Variants in NXN observed in about 807,000 individuals in gnomAD.
NXN encodes nucleoredoxin.
A neutral mutation model predicts 48.6 loss-of-function variants in NXN; 16 were observed. The ratio of observed to expected loss-of-function variants is 0.33; its 90% CI spans 0.22 to 0.50. The LOEUF (loss-of-function observed/expected upper bound fraction) is 0.50, where lower values mean the gene tolerates loss of function less well. NXN is among the 20% of genes least tolerant of loss of function. NXN has a pLI of 0.98. For missense variants in NXN, 492 were observed against 605.5 expected (o/e 0.81, Z 1.97); for synonymous variants, 281 against 269.6 (o/e 1.04, Z -0.41).
rs184291675 is a variant in NXN at position 963,021 on chromosome 17, T to C, written c.360+16298A>G. Reference sequence around the variant, plus strand: ...CGGTGGTTTGAGGGATTCTGTTCCTTGTCTCTAACTGTGTTGGGTTCATTA... The same window carrying C: ...CGGTGGTTTGAGGGATTCTGTTCCTCGTCTCTAACTGTGTTGGGTTCATTA... On this transcript the variant is annotated intron_variant, in intron 1 of 7. Coordinates refer to ENST00000336868, the MANE Select transcript of NXN (RefSeq NM_022463.5). Among the ~76,000 whole-genome samples, 49 of 152,250 alleles carry C rather than the reference T, an allele frequency of 3.2e-4. 1 individual carries two copies. The highest frequency in any genetic ancestry group is 2.0e-3 in the Admixed American group (31 of 15,272).
At chr17:945,375 C>T (rs113998501) in intron 1 of NXN, among the ~76,000 whole-genome samples, 6,409 of 152,138 alleles carry the variant, frequency 0.042, 306 homozygotes, top group African/African-American at 0.11. Flanking sequence ...AGCCACTGTG[C>T]CCTGCCCCCA....
chr17:800,964 T>C lies in NXN; in HGVS notation c.1293A>G (p.Lys431=). The change falls in exon 8 of 8, where the codon AAA becomes AAG. Residue 431 remains lysine, a synonymous_variant. Transcript: ENST00000336868. ...CGGAGCCACGCTAGATGGGCTCCGGTTTGAGCTTCTCTGCTAGGAAGTCAT... is the reference window on the plus strand; with the variant it reads ...CGGAGCCACGCTAGATGGGCTCCGGCTTGAGCTTCTCTGCTAGGAAGTCAT... ...FVNDFLAEKL[K]PEPI is the part of the protein sequence containing the mutation. The C allele has an allele frequency of 6.7e-7, 1 of 1,496,172 alleles. No homozygotes were observed. The highest frequency in any genetic ancestry group is 1.3e-5 in the South Asian group (1 of 74,670). 92.7% of individuals were successfully genotyped at this position (1,496,172 alleles called of 1,614,324 possible).
intron 5 of NXN, among the ~76,000 whole-genome samples, chr17:810,852 G>A (rs1911954623): frequency 2.0e-5 from 3 of 151,982 alleles, no homozygotes; most frequent in East Asian, 1.9e-4. Context: ...TCTTGCCACT[G>A]CACTCCAGCC....
intron 1 of NXN, among the ~76,000 whole-genome samples, chr17:863,578 A>G (rs2068063754): frequency 6.6e-6 from 1 of 152,186 alleles, no homozygotes. Flanking sequence ...CTCCTGACTC[A>G]GCCTCCTGAG....
intron 1 of NXN, among the ~76,000 whole-genome samples, chr17:858,012 C>T (rs145832026): frequency 2.8e-3 from 420 of 151,244 alleles, no homozygotes; most frequent in African/African-American, 9.9e-3. Flanking sequence ...CTCTGTCGCC[C>T]CAGGCTGGAG....
At position 841,436 on chromosome 17, in the gene NXN, G is replaced by A. The variant is rs144385695; in HGVS notation, c.361-15358C>T. Among the ~76,000 whole-genome samples, 41 of 64,454 alleles carry A rather than the reference G, an allele frequency of 6.4e-4. 1 individual carries two copies. The highest frequency in any genetic ancestry group is 1.0e-3 in the South Asian group (2 of 1,974). The allele number at this position is 64,454 out of a possible 152,430, so 42.3% of individuals were successfully genotyped here. On this transcript the variant is annotated intron_variant, in intron 1 of 7. Transcript: ENST00000336868. ...TGACCACGGCGCATCTCACACGGGC[G>A]AGCAGGTCCCCCTGACCACGGCGCA...
intron 5 of NXN, among the ~76,000 whole-genome samples, chr17:812,623 TGA>T (rs1597619068): frequency 6.6e-6 from 1 of 151,078 alleles, no homozygotes; most frequent in East Asian, 2.0e-4. Flanking sequence ...TGAGTGTAGG[TGA>T]GTGTAGGTGT....
At chr17:893,398 G>C (rs1236675518) in intron 1 of NXN, among the ~76,000 whole-genome samples, 1 of 152,188 alleles carries the variant, frequency 6.6e-6, no homozygotes, top group East Asian at 1.9e-4. Context: ...ACAGCACCTT[G>C]GTTGCTATAT....
At chr17:853,723 ATTTT>A (rs1221156589) in intron 1 of NXN, among the ~76,000 whole-genome samples, 18 of 105,972 alleles carry the variant, frequency 1.7e-4, no homozygotes, top group African/African-American at 6.9e-4. Flanking sequence ...ATATATATAT[ATTTT>A]TTTTTTTTTT....
intron 1 of NXN, among the ~76,000 whole-genome samples, chr17:883,541 A>G (rs1474343727): frequency 6.6e-6 from 1 of 152,270 alleles, no homozygotes; most frequent in Non-Finnish European, 1.5e-5. Context: ...CTAAGAAGCC[A>G]AAGCTCCTCC....
At position 934,174 on chromosome 17, in the gene NXN, G is replaced by A. The variant is rs1012052849; in HGVS notation, c.360+45145C>T. On this transcript the variant is annotated intron_variant, in intron 1 of 7. Transcript: ENST00000336868. ...CCCAGCACCCCGGGAGGCCGGGCGC[G>A]GTGGCTCACGCCTGTAATCCCAGCA... 5.3e-5 allele frequency among the ~76,000 whole-genome samples: 8 copies of A among 152,056 alleles called. No individual in the cohort carries two copies. In the Middle Eastern group the frequency reaches 0.01, roughly 195 times the overall value.
chr17:966,811 G>A lies in NXN; in HGVS notation c.360+12508C>T, dbSNP rs117829145. ...CAGGTGGGGGGATGACTGTTGGGGG[G>A]GTGGGGCAGACAATCTTGGAGGGTG... is the stretch of plus-strand genomic sequence containing the variant. On this transcript the variant is annotated intron_variant, in intron 1 of 7. Coordinates refer to ENST00000336868, the MANE Select transcript of NXN (RefSeq NM_022463.5). Among the ~76,000 whole-genome samples, 444 of 120,778 alleles carry A rather than the reference G, an allele frequency of 3.7e-3. 2 individuals are homozygous for A. In the East Asian group the frequency reaches 0.039, roughly 11 times the overall value. 79.2% of individuals were successfully genotyped at this position (120,778 alleles called of 152,430 possible). A position where few individuals can be genotyped will look rare whatever the true frequency, so the allele number is the denominator to read the frequency against.
At chr17:859,998 A>G (rs935208792) in intron 1 of NXN, among the ~76,000 whole-genome samples, 3 of 152,182 alleles carry the variant, frequency 2.0e-5, no homozygotes, top group Non-Finnish European at 4.4e-5. Context: ...GGTGTGGGTT[A>G]CTTCTGCAGT....
intron 1 of NXN, among the ~76,000 whole-genome samples, chr17:831,123 A>G (rs888622723): frequency 1.6e-4 from 24 of 152,182 alleles, no homozygotes; most frequent in Non-Finnish European, 1.6e-4. Context: ...CTAGATCACA[A>G]ATGGAAAAGG....
chr17:817,875 G>A (rs912085332), intron 5 of NXN, among the ~76,000 whole-genome samples: 3 of 152,120 alleles, frequency 2.0e-5, no homozygotes, highest in Non-Finnish European at 4.4e-5. Flanking sequence ...CCAGTTACCT[G>A]CTTTGTGAAG....
At position 979,524 on chromosome 17, in the gene NXN, C is replaced by T. The variant is rs1342696410; in HGVS notation, c.155G>A (p.Ser52Asn). The change falls in exon 1 of 8, where the codon AGC (serine) becomes AAC (asparagine). Residue 52 changes from serine (S) to asparagine (N), a missense_variant. Ser to Asn is a conservative substitution (Grantham distance 46, BLOSUM62 1). Coordinates refer to ENST00000336868, the MANE Select transcript of NXN (RefSeq NM_022463.5). Reference sequence around the variant, plus strand: ...CAGGCGCCCGTAGAAGGCGGCCAGGCTGGCGCTGAGCTGCGCGCAGGGGGC... The same window carrying T: ...CAGGCGCCCGTAGAAGGCGGCCAGGTTGGCGCTGAGCTGCGCGCAGGGGGC... ...LSAPCAQLSA[S>N]LAAFYGRLRG... 5.4e-6 allele frequency: 7 copies of T among 1,293,286 alleles called. No individual in the cohort carries two copies. The highest frequency in any genetic ancestry group is 2.1e-5 in the South Asian group (1 of 48,190). 80.1% of individuals were successfully genotyped at this position (1,293,286 alleles called of 1,614,324 possible). A position where few individuals can be genotyped will look rare whatever the true frequency, so the allele number is the denominator to read the frequency against.
At chr17:923,942 T>G (rs1371460054) in intron 1 of NXN, among the ~76,000 whole-genome samples, 1 of 152,224 alleles carries the variant, frequency 6.6e-6, no homozygotes, top group Non-Finnish European at 1.5e-5. Flanking sequence ...ACCCCACTTT[T>G]GTATTTTTTT....
intron 1 of NXN, among the ~76,000 whole-genome samples, chr17:876,628 T>C (rs1220251562): frequency 2.0e-5 from 3 of 152,240 alleles, no homozygotes; most frequent in Non-Finnish European, 4.4e-5. Context: ...TCAACAGCGC[T>C]GTTAGTGTCG....
rs563304658 is a variant in NXN at position 804,133 on chromosome 17, G to A, written c.1001-327C>T. On this transcript the variant is annotated intron_variant, in intron 6 of 7. Coordinates refer to ENST00000336868, the MANE Select transcript of NXN (RefSeq NM_022463.5). ...GCCTGGGAGGCTGAGCTTCCCCTAA[G>A]CCAGGACCTGAGGCGCCTGCTAGTG... 47 of 313,038 alleles carry A rather than the reference G, an allele frequency of 1.5e-4. No homozygotes were observed. The South Asian group carries it at 1.8e-3, about 12-fold the overall frequency. 19.4% of individuals were successfully genotyped at this position (313,038 alleles called of 1,614,324 possible). A position where few individuals can be genotyped will look rare whatever the true frequency, so the allele number is the denominator to read the frequency against.
Sources: allele counts gnomAD v4.1 joint callset (sites outside exome capture counted in the v4.1 genomes callset), GRCh38; gene constraint gnomAD v4.1.1; transcripts MANE v1.5; gene names NCBI Gene and HGNC (gene_info 2026-07-23, HGNC 2026-07-21).